Variants in RAE1 observed in about 807,000 individuals in gnomAD.
The protein encoded by RAE1 is ribonucleic acid export 1.
In RAE1, 13 loss-of-function variants were observed where a neutral mutation model predicts 52.7. The ratio of observed to expected loss-of-function variants is 0.25; its 90% CI spans 0.16 to 0.39. The LOEUF is 0.39. Ranked by LOEUF, RAE1 falls within the 10% of genes least tolerant of loss-of-function variation. RAE1 has a pLI of 1.00. For missense variants in RAE1, 262 were observed against 459.8 expected, an observed-to-expected ratio of 0.57 and a Z score of 3.93; for synonymous variants, 164 against 153.1, an observed-to-expected ratio of 1.07 and a Z score of -0.52.
chr20:57,360,400 G>A (rs1164730956), intron 4 of RAE1, among the ~76,000 whole-genome samples: 2 of 152,112 alleles, frequency 1.3e-5, no homozygotes, highest in Admixed American at 6.5e-5. Context: ...GCTGCAGATG[G>A]GCATATAGGC....
intron 4 of RAE1, chr20:57,358,968 T>C: frequency 6.8e-7 from 1 of 1,473,500 alleles, no homozygotes; most frequent in Non-Finnish European, 8.9e-7. Context: ...TATTTGTTTA[T>C]ATCCGCCTCT....
chr20:57,366,766 T>TA, intron 5 of RAE1, 41 bp from the exon 6 acceptor site: 1 of 1,534,940 alleles, frequency 6.5e-7, no homozygotes, highest in East Asian at 2.2e-5. Context: ...AGCACATTCT[T>TA]ACATTTACCT....
chr20:57,375,438 G>T (rs2067099328), intron 11 of RAE1, among the ~76,000 whole-genome samples: 1 of 152,116 alleles, frequency 6.6e-6, no homozygotes, highest in Non-Finnish European at 1.5e-5. Flanking sequence ...TTCCGATGGG[G>T]AGGTCACCTG....
intron 8 of RAE1, chr20:57,372,321 A>G (rs562139683): frequency 3.3e-5 from 5 of 152,324 alleles, no homozygotes; most frequent in African/African-American, 1.2e-4. Flanking sequence ...GTTGAATCCA[A>G]AAAAAACCTG....
At chr20:57,365,085 A>G (rs889745741) in intron 4 of RAE1, among the ~76,000 whole-genome samples, 2 of 152,212 alleles carry the variant, frequency 1.3e-5, no homozygotes, top group African/African-American at 4.8e-5. Flanking sequence ...GATCAGGGAC[A>G]AGAGAAAGAG....
chr20:57,368,940 A>T (rs1354485582), intron 8 of RAE1, 128 bp downstream of exon 8: 1 of 717,578 alleles, frequency 1.4e-6, no homozygotes, highest in East Asian at 2.7e-5. Flanking sequence ...GAATTGAAGG[A>T]TATAAACACA....
chr20:57,366,685 G>T, intron 5 of RAE1, 122 bp from the exon 6 acceptor site: 1 of 952,948 alleles, frequency 1.0e-6, no homozygotes, highest in Non-Finnish European at 1.7e-6. Flanking sequence ...GTATGTTTTG[G>T]TTTTTGTTTG....
At chr20:57,374,878 G>T (rs533331566) in intron 11 of RAE1, 77 bp downstream of exon 11, 1 of 1,523,648 alleles carries the variant, frequency 6.6e-7, no homozygotes. Flanking sequence ...CTAGGCCTGA[G>T]TTGTGACTCT....
intron 10 of RAE1, 147 bp downstream of exon 10, chr20:57,373,885 G>A (rs143815966): frequency 1.1e-6 from 1 of 882,398 alleles, no homozygotes; most frequent in Admixed American, 2.4e-5. Context: ...GTAGGCTTCA[G>A]GTTTCTGTGG....
intron 4 of RAE1, among the ~76,000 whole-genome samples, chr20:57,362,676 G>A (rs1049972140): frequency 2.0e-5 from 3 of 152,168 alleles, no homozygotes; most frequent in South Asian, 2.1e-4. Context: ...ACGTTCTGAC[G>A]GGGAGGCAGG....
chr20:57,375,174 G>A (rs1259720576), intron 11 of RAE1: 1 of 619,164 alleles, frequency 1.6e-6, no homozygotes, highest in Non-Finnish European at 2.9e-6. Flanking sequence ...TGGGCAGGGG[G>A]AGTTAGGAGC....
intron 4 of RAE1, among the ~76,000 whole-genome samples, chr20:57,357,243 T>C (rs1197928788): frequency 3.3e-5 from 5 of 152,216 alleles, no homozygotes; most frequent in Non-Finnish European, 7.3e-5. Flanking sequence ...CTCCAAATTC[T>C]CTTCCTTCCT....
At chr20:57,363,575 G>A (rs2066917279) in intron 4 of RAE1, among the ~76,000 whole-genome samples, 1 of 152,102 alleles carries the variant, frequency 6.6e-6, no homozygotes, top group Admixed American at 6.6e-5. Context: ...AGACTGAGGT[G>A]GGAAGAATCC....
intron 4 of RAE1, 119 bp from the exon 5 acceptor site, chr20:57,365,237 A>G: frequency 1.6e-6 from 1 of 640,240 alleles, no homozygotes; most frequent in South Asian, 2.6e-5. Context: ...TCCCCAAACA[A>G]TTGGAAAAAT....
intron 10 of RAE1, 79 bp from the exon 11 acceptor site, chr20:57,374,528 C>A: frequency 2.3e-6 from 3 of 1,314,768 alleles, no homozygotes; most frequent in South Asian, 2.8e-5. Context: ...TTTCCTAACT[C>A]AAGCAGGAAG....
At position 57,374,743 on chromosome 20, in the gene RAE1, G is replaced by T; in HGVS notation, c.962G>T (p.Cys321Phe). ...SEQLDQPISA[C>F]CFNHNGNIFA... ...CAGTTAGATCAGCCCATCTCAGCTT[G>T]CTGTTTCAATCACAATGGAAACATA... is the stretch of plus-strand genomic sequence containing the variant. The change falls in exon 11 of 12, where the codon TGC (cysteine) becomes TTC (phenylalanine). Residue 321 changes from cysteine (C) to phenylalanine (F), a missense_variant. By Grantham distance (205) the Cys-to-Phe change is radical (BLOSUM62 -2). Coordinates refer to ENST00000395841, the MANE Select transcript of RAE1 (RefSeq NM_003610.4). 6.2e-7 allele frequency: 1 copy of T among 1,614,222 alleles called. No homozygotes were observed. The highest frequency in any genetic ancestry group is 8.5e-7 in the Non-Finnish European group (1 of 1,180,038).
Position 57,378,163 on chromosome 20 carries a change from T to C in RAE1, c.*64T>C, listed in dbSNP as rs891675926. The C allele has an allele frequency of 7.5e-7, 1 of 1,341,452 alleles. No homozygotes were observed. The highest frequency in any genetic ancestry group is 1.0e-6 in the Non-Finnish European group (1 of 968,280). 83.1% of individuals were successfully genotyped at this position (1,341,452 alleles called of 1,614,324 possible). ...CACTCTGCCTCATCTCTGTACGAAT[T>C]TGGGTCCCAGCCTTGTTGGGTTGTC... On this transcript the variant is annotated 3_prime_UTR_variant, in exon 12 of 12. Coordinates refer to ENST00000395841, the MANE Select transcript of RAE1 (RefSeq NM_003610.4).
At chr20:57,354,352 C>G (rs921825389) in intron 2 of RAE1, among the ~76,000 whole-genome samples, 1 of 152,176 alleles carries the variant, frequency 6.6e-6, no homozygotes, top group Non-Finnish European at 1.5e-5. Context: ...GGTGCAGATT[C>G]CGGTGCAGAT....
chr20:57,368,876 C>T (rs1019341254), intron 8 of RAE1, 64 bp downstream of exon 8: 8 of 1,305,704 alleles, frequency 6.1e-6, no homozygotes, highest in Non-Finnish European at 8.7e-6. Flanking sequence ...ATTGTGCTCA[C>T]ATCTGGAATA....
Sources: gnomAD v4.1 joint callset for allele counts (sites outside exome capture counted in the v4.1 genomes callset) on GRCh38, gnomAD v4.1.1 for gene constraint, MANE v1.5 for transcripts, NCBI Gene and HGNC (gene_info 2026-07-23, HGNC 2026-07-21) for gene names.